Variants in IL33 observed in about 807,000 individuals in gnomAD.
The protein encoded by IL33 is interleukin-33.
A neutral mutation model predicts 27.3 loss-of-function variants in IL33; 37 were observed. The ratio of observed to expected loss-of-function variants is 1.36; its 90% CI spans 1.04 to 1.78. The LOEUF (loss-of-function observed/expected upper bound fraction) is 1.78. Ranked by LOEUF, IL33 falls within the 40% of genes most tolerant of loss-of-function variation. IL33 has a pLI of 0.00. For synonymous variants in IL33, 132 were observed against 102.9 expected, an observed-to-expected ratio of 1.28 and a Z score of -1.71; for missense variants, 406 against 311.4, an observed-to-expected ratio of 1.30 and a Z score of -2.29.
intron 1 of IL33, among the ~76,000 whole-genome samples, chr9:6,230,737 A>G (rs868324518): frequency 6.6e-6 from 1 of 152,114 alleles, no homozygotes; most frequent in Admixed American, 6.5e-5. Context: ...TCATCCCACT[A>G]TATCCTCATA....
intron 2 of IL33, 84 bp from the exon 3 acceptor site, chr9:6,250,390 T>C: frequency 6.8e-7 from 1 of 1,467,388 alleles, no homozygotes; most frequent in East Asian, 2.3e-5. Flanking sequence ...CTGTACTTGC[T>C]TTCTTGGTCT....
Position 6,222,077 on chromosome 9 carries a change from G to A in IL33, c.-12+6225G>A, listed in dbSNP as rs146933495. On this transcript the variant is annotated intron_variant, in intron 1 of 7. Transcript: ENST00000682010. ...GGTGGTCAAGCTTCCAGACCTTTGA[G>A]TTGCATTTTTAGATCACCGCACAAG... 1.1e-3 allele frequency among the ~76,000 whole-genome samples: 173 copies of A among 152,278 alleles called. No homozygotes were observed. In the Middle Eastern group the frequency reaches 0.014, roughly 12 times the overall value.
intron 1 of IL33, among the ~76,000 whole-genome samples, chr9:6,218,069 A>G (rs191863053): frequency 1.2e-4 from 19 of 152,252 alleles, no homozygotes; most frequent in African/African-American, 4.6e-4. Flanking sequence ...AGAATCCTCT[A>G]TTTCCCAAAG....
Position 6,227,433 on chromosome 9 carries a change from G to C in IL33, c.-12+11581G>C, listed in dbSNP as rs999119242. Among the ~76,000 whole-genome samples, 21 of 152,142 alleles carry C rather than the reference G, an allele frequency of 1.4e-4. 1 individual carries two copies. The highest frequency in any genetic ancestry group is 1.1e-3 in the Admixed American group (17 of 15,274). ...GCAGCATTTTGGTTGTTTTTATCAG[G>C]AGGGCTGTTCATGGTAACTAACCCA... On this transcript the variant is annotated intron_variant, in intron 1 of 7. Transcript: ENST00000682010.
chr9:6,222,444 T>C (rs1218902437), intron 1 of IL33, among the ~76,000 whole-genome samples: 3 of 152,228 alleles, frequency 2.0e-5, no homozygotes, highest in Admixed American at 6.5e-5. Flanking sequence ...TTTTGGCTTT[T>C]GACTATGCCA....
At chr9:6,224,023 AAGG>A (rs2130118268) in intron 1 of IL33, among the ~76,000 whole-genome samples, 2 of 152,316 alleles carry the variant, frequency 1.3e-5, no homozygotes, top group South Asian at 4.1e-4. Context: ...CCCTTATTTC[AAGG>A]AGAAAAATGT....
chr9:6,236,910 A>G (rs892232268), intron 1 of IL33, among the ~76,000 whole-genome samples: 2 of 152,172 alleles, frequency 1.3e-5, no homozygotes, highest in African/African-American at 4.8e-5. Flanking sequence ...TGCTACAGCT[A>G]AAATAATCTC....
At position 6,254,546 on chromosome 9, in the gene IL33, C is replaced by A; in HGVS notation, c.605C>A (p.Ser202Tyr). ...FWLHANNKEH[S>Y]VELHKCEKPL... Reference sequence around the variant, plus strand: ...TTGCATGCCAACAACAAGGAACACTCTGTGGAGGTAAAAAAAAAAAATTTA... The same window carrying A: ...TTGCATGCCAACAACAAGGAACACTATGTGGAGGTAAAAAAAAAAAATTTA... The change falls in exon 7 of 8, where the codon TCT becomes TAT. Residue 202 changes from serine (S) to tyrosine (Y), a missense_variant. Ser to Tyr is a moderately radical substitution (Grantham distance 144, BLOSUM62 -2). Coordinates refer to ENST00000682010, the MANE Select transcript of IL33 (RefSeq NM_033439.4). 1.3e-6 allele frequency: 2 copies of A among 1,572,736 alleles called. No individual in the cohort carries two copies. Among genetic ancestry groups the A allele is most frequent in the Non-Finnish European group, 1.7e-6 (2 of 1,161,590 alleles).
intron 1 of IL33, among the ~76,000 whole-genome samples, chr9:6,228,306 T>TA (rs1313690137): frequency 6.6e-6 from 1 of 151,800 alleles, no homozygotes; most frequent in African/African-American, 2.4e-5. Context: ...CTGTCTCAAA[T>TA]AAAAAACAAA....
intron 1 of IL33, among the ~76,000 whole-genome samples, chr9:6,239,554 A>G (rs916376491): frequency 6.6e-6 from 1 of 152,076 alleles, no homozygotes; most frequent in Non-Finnish European, 1.5e-5. Flanking sequence ...TAGCTCATTT[A>G]TAAAAACCCT....
rs535111194 is a variant in IL33, at chr9:6,257,533, T to C, written c.*1365T>C. On this transcript the variant is annotated 3_prime_UTR_variant, in exon 8 of 8. Coordinates refer to ENST00000682010, the MANE Select transcript of IL33 (RefSeq NM_033439.4). Reference sequence around the variant, plus strand: ...ATAAAATTTATACTCAACCATATAATAACATTTTTTAACTACTAAAGGAGT... The same window carrying C: ...ATAAAATTTATACTCAACCATATAACAACATTTTTTAACTACTAAAGGAGT... 6.5e-6 allele frequency: 1 copy of C among 152,760 alleles called. No homozygotes were observed. The highest frequency in any genetic ancestry group is 2.4e-5 in the African/African-American group (1 of 41,594). 9.5% of individuals were successfully genotyped at this position (152,760 alleles called of 1,614,324 possible).
At chr9:6,255,845 G>T in intron 7 of IL33, 123 bp from the exon 8 acceptor site, 1 of 753,372 alleles carries the variant, frequency 1.3e-6, no homozygotes, top group Non-Finnish European at 2.2e-6. Context: ...AACTCACTAA[G>T]CAAGCTTGCT....
intron 1 of IL33, among the ~76,000 whole-genome samples, chr9:6,237,488 T>C (rs1266660671): frequency 1.3e-5 from 2 of 152,214 alleles, no homozygotes; most frequent in South Asian, 2.1e-4. Context: ...TGCTCAATTA[T>C]ACAAGCCAAT....
chr9:6,248,957 CAGTAA>C (rs1481787103), intron 2 of IL33, among the ~76,000 whole-genome samples: 4 of 152,094 alleles, frequency 2.6e-5, no homozygotes, highest in African/African-American at 9.7e-5. Flanking sequence ...ATACAACAGT[CAGTAA>C]AGTATTGTAT....
At chr9:6,239,740 G>C (rs902906427) in intron 1 of IL33, among the ~76,000 whole-genome samples, 7 of 151,994 alleles carry the variant, frequency 4.6e-5, no homozygotes, top group African/African-American at 1.7e-4. Context: ...AGACAATGAG[G>C]CCTATTTCAA....
At chr9:6,247,478 T>C (rs1318690299) in intron 2 of IL33, among the ~76,000 whole-genome samples, 1 of 152,220 alleles carries the variant, frequency 6.6e-6, no homozygotes, top group Non-Finnish European at 1.5e-5. Context: ...TCTAGTTCTC[T>C]GAGTGGCAGA....
chr9:6,252,040 A>C (rs72689569), intron 4 of IL33, among the ~76,000 whole-genome samples: 26 of 29,356 alleles, frequency 8.9e-4, no homozygotes, highest in African/African-American at 1.6e-3. Context: ...TCTCAGAAAA[A>C]AAACAAACAA....
intron 4 of IL33, among the ~76,000 whole-genome samples, chr9:6,251,787 C>T (rs1033622229): frequency 3.3e-5 from 5 of 151,218 alleles, no homozygotes; most frequent in African/African-American, 1.2e-4. Context: ...CACCTGTAAT[C>T]CCAGCACTTT....
chr9:6,249,789 C>A (rs1015413157), intron 2 of IL33, among the ~76,000 whole-genome samples: 1 of 152,086 alleles, frequency 6.6e-6, no homozygotes, highest in African/African-American at 2.4e-5. Flanking sequence ...AAAATGGGGA[C>A]AATAATGCCC....
Sources: allele counts gnomAD v4.1 joint callset (sites outside exome capture counted in the v4.1 genomes callset), GRCh38; gene constraint gnomAD v4.1.1; transcripts MANE v1.5; gene names NCBI Gene and HGNC (gene_info 2026-07-23, HGNC 2026-07-21).